Variants in ANAPC5 observed in about 807,000 individuals in gnomAD.
ANAPC5 encodes the protein anaphase-promoting complex subunit 5.
Under a neutral mutation model 91.3 loss-of-function variants are expected in ANAPC5, and 60 were observed. The ratio of observed to expected loss-of-function variants is 0.66; its 90% CI spans 0.53 to 0.81. The LOEUF is 0.81. ANAPC5 is among the 40% of genes least tolerant of loss of function. ANAPC5 has a pLI of 0.00. For synonymous variants in ANAPC5, 340 were observed against 364.1 expected, an observed-to-expected ratio of 0.93 and a Z score of 0.75; for missense variants, 690 against 931.5, an observed-to-expected ratio of 0.74 and a Z score of 3.37.
chr12:121,344,869 C>T (rs913502729), intron 4 of ANAPC5, among the ~76,000 whole-genome samples: 2 of 152,098 alleles, frequency 1.3e-5, no homozygotes, highest in South Asian at 4.1e-4. Context: ...GGCACTGAGG[C>T]CATGGTAAGC....
chr12:121,351,909 C>G (rs1305063597), intron 1 of ANAPC5, among the ~76,000 whole-genome samples: 2 of 151,606 alleles, frequency 1.3e-5, no homozygotes, highest in East Asian at 3.8e-4. Context: ...AATACTGGAG[C>G]CAGACATGAA....
At chr12:121,337,566 G>A (rs1357608127) in intron 5 of ANAPC5, among the ~76,000 whole-genome samples, 174 bp from the exon 6 acceptor site, 2 of 152,110 alleles carry the variant, frequency 1.3e-5, no homozygotes, top group African/African-American at 2.4e-5. Context: ...CACTGAAGGT[G>A]GACCCTGCCA....
chr12:121,339,868 GTTTTT>G lies in ANAPC5; in HGVS notation c.657+2130_657+2134del, dbSNP rs71079054. On this transcript the variant is annotated intron_variant, in intron 5 of 16. Coordinates refer to ENST00000261819, the MANE Select transcript of ANAPC5 (RefSeq NM_016237.5). ...ATCTTCTCCTACATGTTTTCTTCCA[GTTTTT>G]TTTTTTTTTTTTTTTTTTCCCAGAT... Among the ~76,000 whole-genome samples the G allele has an allele frequency of 8.0e-3, 837 of 104,548 alleles. 9 individuals are homozygous for G. Among genetic ancestry groups the G allele is most frequent in the South Asian group, 0.045 (138 of 3,036 alleles). 68.6% of individuals were successfully genotyped at this position (104,548 alleles called of 152,430 possible).
At chr12:121,334,206 GA>G (rs1903142745) in intron 7 of ANAPC5, 1 of 152,224 alleles carries the variant, frequency 6.6e-6, no homozygotes, top group South Asian at 2.1e-4. Context: ...TTGAGCCCAT[GA>G]GTTTGAGGTT....
intron 11 of ANAPC5, among the ~76,000 whole-genome samples, chr12:121,325,299 C>T (rs1902764994): frequency 6.6e-6 from 1 of 151,926 alleles, no homozygotes; most frequent in South Asian, 2.1e-4. Flanking sequence ...CCCATCTCTA[C>T]AAAAAACATA....
At position 121,346,879 on chromosome 12, in the gene ANAPC5, T is replaced by G; in HGVS notation, c.397+17A>C. The G allele has an allele frequency of 6.6e-7, 1 of 1,511,256 alleles. No homozygotes were observed. The highest frequency in any genetic ancestry group is 9.0e-7 in the Non-Finnish European group (1 of 1,105,090). The allele number at this position is 1,511,256 out of a possible 1,614,324, so 93.6% of individuals were successfully genotyped here. ...TCAATGAAAATACTCTCTGCTCTTC[T>G]TAGAAGAGTTTCATACCTACTACAC... is the stretch of plus-strand genomic sequence containing the variant. On this transcript the variant is annotated intron_variant, in intron 3 of 16. Coordinates refer to ENST00000261819, the MANE Select transcript of ANAPC5 (RefSeq NM_016237.5).
At chr12:121,338,011 T>C (rs1470396375) in intron 5 of ANAPC5, among the ~76,000 whole-genome samples, 2 of 152,172 alleles carry the variant, frequency 1.3e-5, no homozygotes, top group Non-Finnish European at 2.9e-5. Context: ...ACAAATTAAA[T>C]GTTTACATTT....
At chr12:121,338,787 T>C (rs767947385) in intron 5 of ANAPC5, among the ~76,000 whole-genome samples, 2 of 152,100 alleles carry the variant, frequency 1.3e-5, no homozygotes, top group Non-Finnish European at 1.5e-5. Flanking sequence ...ATGTTACATA[T>C]CATATTCTGA....
At chr12:121,344,206 A>AG (rs1903569908) in intron 4 of ANAPC5, among the ~76,000 whole-genome samples, 1 of 152,206 alleles carries the variant, frequency 6.6e-6, no homozygotes, top group African/African-American at 2.4e-5. Flanking sequence ...GTGAAGAGGC[A>AG]GGGGAAACAG....
At chr12:121,316,768 G>A (rs2948127) in intron 15 of ANAPC5, among the ~76,000 whole-genome samples, 31,666 of 144,862 alleles carry the variant, frequency 0.22, 7,929 homozygotes, top group African/African-American at 0.62. Context: ...GAAAACAGGT[G>A]TTCAAACAAA....
At chr12:121,317,696 A>G (rs1420603791) in intron 15 of ANAPC5, among the ~76,000 whole-genome samples, 1 of 152,256 alleles carries the variant, frequency 6.6e-6, no homozygotes, top group Non-Finnish European at 1.5e-5. Flanking sequence ...AATCTCCGCA[A>G]TAATTCTAAT....
rs1220603643 is a variant in ANAPC5 at position 121,345,750 on chromosome 12, C to CA, written c.590+88dup. Reference sequence around the variant, plus strand: ...GAAGGGTAAAAAGGGCATAAGCCAGCACGTGAATTCTAAATGAACAAGGAC... The same window carrying CA: ...GAAGGGTAAAAAGGGCATAAGCCAGCAACGTGAATTCTAAATGAACAAGGAC... On this transcript the variant is annotated intron_variant, in intron 4 of 16. Transcript: ENST00000261819. 24 of 1,326,482 alleles carry CA rather than the reference C, an allele frequency of 1.8e-5. No homozygotes were observed. The African/African-American group carries it at 3.4e-4, about 19-fold the overall frequency. The allele number at this position is 1,326,482 out of a possible 1,614,324, so 82.2% of individuals were successfully genotyped here.
At position 121,308,372 on chromosome 12, in the gene ANAPC5, T is replaced by A; in HGVS notation, c.*108A>T. ...TAAGACAAACTAATCAGAATGCTGT[T>A]TATTGACAAGATAGGGTGTCACAAA... On this transcript the variant is annotated 3_prime_UTR_variant, in exon 17 of 17. Coordinates refer to ENST00000261819, the MANE Select transcript of ANAPC5 (RefSeq NM_016237.5). 1 of 836,044 alleles carries A rather than the reference T, an allele frequency of 1.2e-6. No individual in the cohort carries two copies. Among genetic ancestry groups the A allele is most frequent in the Non-Finnish European group, 1.9e-6 (1 of 525,216 alleles). The allele number at this position is 836,044 out of a possible 1,614,324, so 51.8% of individuals were successfully genotyped here.
chr12:121,345,370 A>G (rs1289636576), intron 4 of ANAPC5, among the ~76,000 whole-genome samples: 1 of 152,190 alleles, frequency 6.6e-6, no homozygotes, highest in Non-Finnish European at 1.5e-5. Context: ...GAGTAGTCTG[A>G]GAAGAGTTTA....
rs1902043561 is a variant in ANAPC5 at position 121,308,802 on chromosome 12, T to A, written c.2057-111A>T. 4.4e-6 allele frequency: 4 copies of A among 908,808 alleles called. No individual in the cohort carries two copies. In the South Asian group the frequency reaches 5.9e-5, roughly 13 times the overall value. The allele number at this position is 908,808 out of a possible 1,614,324, so 56.3% of individuals were successfully genotyped here. Reference sequence around the variant, plus strand: ...CAACAACTACCAGAAGATTCTTTTATATTCTCCATTCTTTGAGAGAGAAAA... The same window carrying A: ...CAACAACTACCAGAAGATTCTTTTAAATTCTCCATTCTTTGAGAGAGAAAA... On this transcript the variant is annotated intron_variant, in intron 16 of 16. Transcript: ENST00000261819.
intron 12 of ANAPC5, among the ~76,000 whole-genome samples, 181 bp downstream of exon 12, chr12:121,320,202 CAT>C (rs1202451773): frequency 6.6e-5 from 10 of 152,270 alleles, no homozygotes; most frequent in East Asian, 5.8e-4. Flanking sequence ...CTCTAAACAA[CAT>C]AGAGTATGAG....
chr12:121,328,691 G>A, intron 9 of ANAPC5, 194 bp from the exon 10 acceptor site: 2 of 528,376 alleles, frequency 3.8e-6, no homozygotes, highest in South Asian at 2.5e-5. Context: ...GTCTGGGAGA[G>A]AGGCAGAGGG....
intron 5 of ANAPC5, among the ~76,000 whole-genome samples, chr12:121,337,808 A>T (rs1903305152): frequency 1.3e-5 from 2 of 151,812 alleles, no homozygotes. Context: ...GCACTATCAA[A>T]CTATAGTAAA....
At chr12:121,354,164 T>C (rs782370072), upstream of ANAPC5, among the ~76,000 whole-genome samples, 2 of 152,020 alleles carry the variant, frequency 1.3e-5, no homozygotes, top group Non-Finnish European at 2.9e-5. Flanking sequence ...AATTTTTGTA[T>C]TGTTTGTAGA....
Sources: gnomAD v4.1 joint callset for allele counts (sites outside exome capture counted in the v4.1 genomes callset) on GRCh38, gnomAD v4.1.1 for gene constraint, MANE v1.5 for transcripts, NCBI Gene and HGNC (gene_info 2026-07-23, HGNC 2026-07-21) for gene names.